The following CCDC69 variants were observed in gnomAD, a reference collection of about 807,000 sequenced individuals.
CCDC69 encodes coiled-coil domain-containing protein 69.
A neutral mutation model predicts 40.3 loss-of-function variants in CCDC69; 38 were observed. That is an observed-to-expected ratio of 0.94 (90% CI 0.73 to 1.24). The LOEUF (loss-of-function observed/expected upper bound fraction) is 1.24, where lower values mean the gene tolerates loss of function less well. Among genes scored for constraint, CCDC69 ranks in the 50% most tolerant of loss-of-function variants. The pLI, the probability that CCDC69 is intolerant of heterozygous loss-of-function variation, is 0.00. For missense variants in CCDC69, 389 were observed against 357.9 expected (o/e 1.09, Z -0.70); for synonymous variants, 141 against 138.9 (o/e 1.02, Z -0.11).
At chr5:151,194,728 A>G (rs1267002920) in intron 4 of CCDC69, among the ~76,000 whole-genome samples, 1 of 152,096 alleles carries the variant, frequency 6.6e-6, no homozygotes, top group Non-Finnish European at 1.5e-5. Context: ...CACTGTCTCT[A>G]CTAAAAATAC....
rs56093424 is a variant in CCDC69 at position 151,198,291 on chromosome 5, G to GATCTATCTATCT, written c.319+694_319+705dup. 2.2e-3 allele frequency among the ~76,000 whole-genome samples: 314 copies of GATCTATCTATCT among 141,818 alleles called. 1 individual carries two copies. Among genetic ancestry groups the GATCTATCTATCT allele is most frequent in the East Asian group, 2.9e-3 (14 of 4,856 alleles). The allele number at this position is 141,818 out of a possible 152,430, so 93.0% of individuals were successfully genotyped here. On this transcript the variant is annotated intron_variant, in intron 4 of 8. Transcript: ENST00000355417. Reference sequence around the variant, plus strand: ...GACTGGAGCTCTAGAGAATGAGATTGATCTATCTATCTATCTATCTATCTA... The same window carrying GATCTATCTATCT: ...GACTGGAGCTCTAGAGAATGAGATTGATCTATCTATCTATCTATCTATCTATCTATCTATCTA...
chr5:151,214,018 C>T (rs1158436655), intron 1 of CCDC69, among the ~76,000 whole-genome samples: 1 of 152,184 alleles, frequency 6.6e-6, no homozygotes, highest in Non-Finnish European at 1.5e-5. Flanking sequence ...GATAGAAAAG[C>T]TGAGGCCCAG....
intron 1 of CCDC69, among the ~76,000 whole-genome samples, chr5:151,219,339 C>T (rs1330112048): frequency 6.6e-6 from 1 of 152,130 alleles, no homozygotes; most frequent in Non-Finnish European, 1.5e-5. Context: ...CTTCTAAACC[C>T]AGCCAAGATG....
Position 151,183,009 on chromosome 5 carries a change from C to T in CCDC69, c.*428G>A. 1 of 459,418 alleles carries T rather than the reference C, an allele frequency of 2.2e-6. No individual in the cohort carries two copies. The highest frequency in any genetic ancestry group is 3.2e-4 in the Middle Eastern group (1 of 3,082). The allele number at this position is 459,418 out of a possible 1,614,324, so 28.5% of individuals were successfully genotyped here. On this transcript the variant is annotated 3_prime_UTR_variant, in exon 9 of 9. Coordinates refer to ENST00000355417, the MANE Select transcript of CCDC69 (RefSeq NM_015621.3). ...TGCAGGGGTAAACTGAGGCTCTGAG[C>T]AGGCCAGGGTGGAGTGGAAACACCT...
At position 151,199,020 on chromosome 5, in the gene CCDC69, C is replaced by T. The variant is rs1752741754; in HGVS notation, c.296G>A (p.Gly99Glu). Residue 99 changes from glycine to glutamate, a missense_variant, in exon 4 of 9, where the codon GGA (glycine) becomes GAA (glutamate). Physicochemically the swap from Gly to Glu is moderately conservative, Grantham distance 98. Transcript: ENST00000355417. ...ACCTTGCAGGGCCTCTTCATTCTTT[C>T]CTTCCAGGACCCTTTGCTGCTCATC... is the stretch of plus-strand genomic sequence containing the variant. The part of the protein sequence containing the change: ...RLDEQQRVLE[G>E]KNEEALQVLR... 1.9e-6 allele frequency: 3 copies of T among 1,614,104 alleles called. No homozygotes were observed. Among genetic ancestry groups the T allele is most frequent in the African/African-American group, 2.7e-5 (2 of 75,048 alleles).
intron 4 of CCDC69, among the ~76,000 whole-genome samples, chr5:151,195,896 G>C (rs1752693499): frequency 6.6e-6 from 1 of 152,062 alleles, no homozygotes; most frequent in Non-Finnish European, 1.5e-5. Context: ...AAATCATTCA[G>C]ACCTCTGTTC....
intron 2 of CCDC69, among the ~76,000 whole-genome samples, chr5:151,203,332 C>G (rs541077028): frequency 1.3e-5 from 2 of 151,548 alleles, no homozygotes; most frequent in Non-Finnish European, 2.9e-5. Flanking sequence ...CATGGTGAAG[C>G]CCCGTCTCTA....
chr5:151,181,575 T>C lies in CCDC69; in HGVS notation c.*1862A>G, dbSNP rs1420308943. 6.6e-6 allele frequency: 1 copy of C among 152,072 alleles called. No individual in the cohort carries two copies. The highest frequency in any genetic ancestry group is 1.5e-5 in the Non-Finnish European group (1 of 68,090). 9.4% of individuals were successfully genotyped at this position (152,072 alleles called of 1,614,324 possible). A position where few individuals can be genotyped will look rare whatever the true frequency, so the allele number is the denominator to read the frequency against. On this transcript the variant is annotated 3_prime_UTR_variant, in exon 9 of 9. Transcript: ENST00000355417. Reference sequence around the variant, plus strand: ...CCTGATGTGCCTGTGAGGTGAGAGGTGTGGGAGGGACAGAAGCTTTGTTCA... The same window carrying C: ...CCTGATGTGCCTGTGAGGTGAGAGGCGTGGGAGGGACAGAAGCTTTGTTCA...
intron 4 of CCDC69, among the ~76,000 whole-genome samples, chr5:151,194,891 CA>C (rs59836328): frequency 0.41 from 37,139 of 91,594 alleles, 5,391 homozygotes; most frequent in Admixed American, 0.52. Context: ...GCCTCCATCT[CA>C]AAAAAAAAAA....
chr5:151,199,619 A>G (rs1314035996), intron 3 of CCDC69, among the ~76,000 whole-genome samples: 1 of 152,118 alleles, frequency 6.6e-6, no homozygotes, highest in Admixed American at 6.5e-5. Flanking sequence ...TGTAAGGTAC[A>G]GCTGATGGGG....
At position 151,186,258 on chromosome 5, in the gene CCDC69, C is replaced by CTTTTTTA; in HGVS notation, c.394-135_394-134insTAAAAAA. ...TTGGCTACTCTACATGACAATGCAA[C>CTTTTTTA]ATCAACATACTTCGACCACTGCTTG... On this transcript the variant is annotated intron_variant, in intron 5 of 8. Coordinates refer to ENST00000355417, the MANE Select transcript of CCDC69 (RefSeq NM_015621.3). The CTTTTTTA allele has an allele frequency of 7.3e-6, 5 of 685,350 alleles. No individual in the cohort carries two copies. The East Asian group carries it at 1.0e-4, about 14-fold the overall frequency. The allele number at this position is 685,350 out of a possible 1,614,324, so 42.5% of individuals were successfully genotyped here.
intron 1 of CCDC69, among the ~76,000 whole-genome samples, chr5:151,219,927 C>T (rs974553267): frequency 1.3e-5 from 2 of 152,142 alleles, no homozygotes; most frequent in African/African-American, 4.8e-5. Flanking sequence ...CCCTTTGAGG[C>T]CTTTTTTTGG....
intron 2 of CCDC69, among the ~76,000 whole-genome samples, chr5:151,203,785 TA>T (rs993026360): frequency 7.3e-6 from 1 of 136,746 alleles, no homozygotes; most frequent in Non-Finnish European, 1.5e-5. Context: ...TACTAATAAA[TA>T]AAATATATAT....
chr5:151,183,684 A>T, intron 8 of CCDC69, 70 bp from the exon 9 acceptor site: 1 of 1,426,520 alleles, frequency 7.0e-7, no homozygotes, highest in Non-Finnish European at 9.5e-7. Context: ...CCATTCCCCC[A>T]GGAAGCCTTC....
chr5:151,199,941 C>T lies in CCDC69; in HGVS notation c.232-857G>A, dbSNP rs531435294. Among the ~76,000 whole-genome samples the T allele has an allele frequency of 7.6e-4, 116 of 152,320 alleles. 1 individual carries two copies. The highest frequency in any genetic ancestry group is 2.6e-3 in the African/African-American group (108 of 41,582). ...TTAATGTGTGTGGGGGCACTTGCCA[C>T]AGCCTTCCACCCAGCGAACACCTGA... On this transcript the variant is annotated intron_variant, in intron 3 of 8. Coordinates refer to ENST00000355417, the MANE Select transcript of CCDC69 (RefSeq NM_015621.3).
intron 4 of CCDC69, among the ~76,000 whole-genome samples, chr5:151,192,878 C>T (rs248441): frequency 0.77 from 116,688 of 152,036 alleles, 44,954 homozygotes; most frequent in Middle Eastern, 0.86. Flanking sequence ...TGCAGGTTTC[C>T]CATCCTCAGA....
At chr5:151,209,662 C>T (rs1417485544) in intron 1 of CCDC69, among the ~76,000 whole-genome samples, 7 of 152,082 alleles carry the variant, frequency 4.6e-5, no homozygotes, top group Non-Finnish European at 8.8e-5. Context: ...TCACTGCAAC[C>T]TCCGCCTCCC....
intron 1 of CCDC69, chr5:151,211,252 C>T (rs1752943163): frequency 6.6e-6 from 1 of 152,282 alleles, no homozygotes; most frequent in Non-Finnish European, 1.5e-5. Context: ...GAGTTAGTTC[C>T]TGTTTTCTCC....
At chr5:151,199,108 G>A (rs772194734) in intron 3 of CCDC69, 24 bp from the exon 4 acceptor site, 1 of 1,590,444 alleles carries the variant, frequency 6.3e-7, no homozygotes, top group Non-Finnish European at 8.6e-7. Flanking sequence ...GTCCCGGGCA[G>A]GACTGAGATT....
Sources: gnomAD v4.1 joint callset for allele counts (sites outside exome capture counted in the v4.1 genomes callset) on GRCh38, gnomAD v4.1.1 for gene constraint, MANE v1.5 for transcripts, NCBI Gene and HGNC (gene_info 2026-07-23, HGNC 2026-07-21) for gene names.